The following ASAP2 variants were observed in gnomAD, a reference collection of about 807,000 sequenced individuals.
ASAP2 encodes ArfGAP with SH3 domain, ankyrin repeat and PH domain 2.
A neutral mutation model predicts 131.4 loss-of-function variants in ASAP2; 45 were observed. That is an observed-to-expected ratio of 0.34 (90% CI 0.27 to 0.44). The LOEUF is 0.44. Among genes scored for constraint, ASAP2 ranks in the 20% least tolerant of loss-of-function variants. The pLI is 1.00. For synonymous variants in ASAP2, 510 were observed against 503.0 expected (o/e 1.01, Z -0.19); for missense variants, 1,011 against 1,297.0 (o/e 0.78, Z 3.39).
chr2:9,340,734 T>C (rs553040513), intron 9 of ASAP2, among the ~76,000 whole-genome samples: 1 of 152,364 alleles, frequency 6.6e-6, no homozygotes, highest in East Asian at 1.9e-4. Flanking sequence ...TGTCAGTTTT[T>C]AAGCTATCCT....
rs376861732 is a variant in ASAP2, at chr2:9,400,124, A to G, written c.2734+52A>G. On this transcript the variant is annotated intron_variant, in intron 25 of 27. Coordinates refer to ENST00000281419, the MANE Select transcript of ASAP2 (RefSeq NM_003887.3). ...TGTTTCTGCTTGGTCCATGGGGGCAATGTGGGGGATGTTTCCTGCCAGGTG... is the reference window on the plus strand; with the variant it reads ...TGTTTCTGCTTGGTCCATGGGGGCAGTGTGGGGGATGTTTCCTGCCAGGTG... 11 of 1,478,552 alleles carry G rather than the reference A, an allele frequency of 7.4e-6. No individual in the cohort carries two copies. The African/African-American group carries it at 1.3e-4, about 18-fold the overall frequency. 91.6% of individuals were successfully genotyped at this position (1,478,552 alleles called of 1,614,324 possible). A position where few individuals can be genotyped will look rare whatever the true frequency, so the allele number is the denominator to read the frequency against.
chr2:9,399,886 A>G (rs1676478300), intron 24 of ASAP2, 137 bp from the exon 25 acceptor site: 2 of 798,848 alleles, frequency 2.5e-6, no homozygotes, highest in South Asian at 1.7e-5. Flanking sequence ...CATAAAAAAG[A>G]GACAGCTAAG....
chr2:9,316,616 G>A (rs1158853076), intron 3 of ASAP2, among the ~76,000 whole-genome samples: 1 of 152,088 alleles, frequency 6.6e-6, no homozygotes, highest in Admixed American at 6.5e-5. Context: ...TTTCGAGCTC[G>A]TTTTCCACTT....
intron 15 of ASAP2, 120 bp from the exon 16 acceptor site, chr2:9,368,305 C>A: frequency 1.1e-6 from 1 of 907,412 alleles, no homozygotes; most frequent in African/African-American, 1.7e-5. Flanking sequence ...TAAAGGCAAA[C>A]CACTTTATTG....
intron 1 of ASAP2, among the ~76,000 whole-genome samples, chr2:9,259,086 G>A (rs928484868): frequency 8.5e-5 from 13 of 152,352 alleles, no homozygotes; most frequent in Admixed American, 3.9e-4. Flanking sequence ...GGTCCAGCCC[G>A]TGGGACGGAG....
intron 11 of ASAP2, among the ~76,000 whole-genome samples, chr2:9,347,948 T>G (rs1339436884): frequency 6.6e-6 from 1 of 152,226 alleles, no homozygotes; most frequent in African/African-American, 2.4e-5. Flanking sequence ...ACTGATAATC[T>G]CTGCCTGCAT....
At chr2:9,225,961 T>C (rs1662734462) in intron 1 of ASAP2, among the ~76,000 whole-genome samples, 1 of 152,226 alleles carries the variant, frequency 6.6e-6, no homozygotes. Context: ...CCGTGGGTTC[T>C]GCGGAGTTCC....
intron 15 of ASAP2, 53 bp from the exon 16 acceptor site, chr2:9,368,372 C>A: frequency 6.9e-7 from 1 of 1,447,944 alleles, no homozygotes; most frequent in Non-Finnish European, 9.7e-7. Context: ...TAATGTGTAG[C>A]AGTAGAATGT....
At chr2:9,390,938 A>G in intron 22 of ASAP2, 124 bp from the exon 23 acceptor site, 1 of 1,436,386 alleles carries the variant, frequency 7.0e-7, no homozygotes, top group Non-Finnish European at 9.6e-7. Flanking sequence ...TTCTAGGTAG[A>G]AGGGTCATAC....
intron 1 of ASAP2, among the ~76,000 whole-genome samples, chr2:9,259,611 G>A (rs1021439825): frequency 5.9e-5 from 9 of 152,218 alleles, no homozygotes; most frequent in Admixed American, 3.3e-4. Flanking sequence ...TTTGGCCCTC[G>A]CCTCTGTCTC....
intron 1 of ASAP2, among the ~76,000 whole-genome samples, chr2:9,252,515 A>C (rs996077690): frequency 1.3e-5 from 2 of 152,104 alleles, no homozygotes; most frequent in African/African-American, 4.8e-5. Context: ...TGGAGGTTGC[A>C]GTGTGCTGAG....
chr2:9,305,155 G>T (rs1668791825), intron 3 of ASAP2, among the ~76,000 whole-genome samples: 1 of 151,540 alleles, frequency 6.6e-6, no homozygotes, highest in Non-Finnish European at 1.5e-5. Context: ...ATAGATATTG[G>T]TGGAGGGGCT....
At chr2:9,334,676 G>A (rs1671082028) in intron 7 of ASAP2, 62 bp from the exon 8 acceptor site, 3 of 1,505,218 alleles carry the variant, frequency 2.0e-6, no homozygotes, top group Middle Eastern at 3.4e-4. Flanking sequence ...TTTTTAATCT[G>A]TCTGACAAAA....
chr2:9,320,664 C>T (rs913115508), intron 5 of ASAP2, among the ~76,000 whole-genome samples: 25 of 152,220 alleles, frequency 1.6e-4, no homozygotes, highest in African/African-American at 4.6e-4. Flanking sequence ...TTGTCCATTC[C>T]GTTACTGTTT....
intron 1 of ASAP2, among the ~76,000 whole-genome samples, chr2:9,229,947 TAG>T (rs1462678748): frequency 6.6e-6 from 1 of 151,540 alleles, no homozygotes; most frequent in Non-Finnish European, 1.5e-5. Context: ...TGGGCTGGGG[TAG>T]AGATGTGTGT....
At chr2:9,339,495 T>C (rs1350265851) in intron 9 of ASAP2, among the ~76,000 whole-genome samples, 7 of 152,002 alleles carry the variant, frequency 4.6e-5, no homozygotes, top group Admixed American at 4.6e-4. Flanking sequence ...ATCTTAATAA[T>C]AGTAAAATTA....
Position 9,228,283 on chromosome 2 carries a change from T to TA in ASAP2, c.126+21054dup, listed in dbSNP as rs1206361786. On this transcript the variant is annotated intron_variant, in intron 1 of 27. Coordinates refer to ENST00000281419, the MANE Select transcript of ASAP2 (RefSeq NM_003887.3). ...CTTCCTTCAGTGTTAAAAATATACT[T>TA]ATGTCATCTGTCATGGTGAGTATTC... is the stretch of plus-strand genomic sequence containing the variant. 1.1e-4 allele frequency among the ~76,000 whole-genome samples: 16 copies of TA among 152,360 alleles called. No homozygotes were observed. The East Asian group carries it at 2.9e-3, about 28-fold the overall frequency.
At chr2:9,254,228 A>ATATATATATATATATATAT (rs1664939400) in intron 1 of ASAP2, among the ~76,000 whole-genome samples, 1 of 69,630 alleles carries the variant, frequency 1.4e-5, no homozygotes, top group Non-Finnish European at 2.8e-5. Flanking sequence ...AAAAAAAAAA[A>ATATATATATATATATATAT]AAAAAAAAAT....
chr2:9,343,832 G>A (rs983008925), intron 9 of ASAP2, among the ~76,000 whole-genome samples: 1 of 152,130 alleles, frequency 6.6e-6, no homozygotes, highest in Non-Finnish European at 1.5e-5. Flanking sequence ...GCTAGTCCTC[G>A]CTTACCCTAA....
Sources: gnomAD v4.1 joint callset for allele counts (sites outside exome capture counted in the v4.1 genomes callset) on GRCh38, gnomAD v4.1.1 for gene constraint, MANE v1.5 for transcripts, NCBI Gene and HGNC (gene_info 2026-07-23, HGNC 2026-07-21) for gene names.